FSIP2: variants seen among roughly 807,000 people sequenced by gnomAD.
FSIP2 encodes the protein fibrous sheath-interacting protein 2.
In FSIP2, 367 loss-of-function variants were observed where a neutral mutation model predicts 510.5. The ratio of observed to expected loss-of-function variants is 0.72; its 90% CI spans 0.66 to 0.78. FSIP2 has a LOEUF of 0.78. Among genes scored for constraint, FSIP2 ranks in the 30% least tolerant of loss-of-function variants. FSIP2 has a pLI of 0.00. For missense variants in FSIP2, 7,594 were observed against 7,901.7 expected, an observed-to-expected ratio of 0.96 and a Z score of 1.48; for synonymous variants, 2,601 against 2,732.2, an observed-to-expected ratio of 0.95 and a Z score of 1.50.
rs773013054 is a variant in FSIP2 at position 185,789,294 on chromosome 2, A to T, written c.2158A>T (p.Thr720Ser). Reference protein sequence around the residue: ...SILREIMSDLTQAIPSLSSVT... With the variant: ...SILREIMSDLSQAIPSLSSVT... ...TTTGCGAGAAATAATGTCTGATTTA[A>T]CCCAGGCCATTCCCTCTCTCTCTTC... The change falls in exon 16 of 23, where the codon ACC (threonine) becomes TCC (serine). Residue 720 changes from threonine (T) to serine (S), a missense_variant. Transcript: ENST00000424728. 1.2e-5 allele frequency: 18 copies of T among 1,534,590 alleles called. No homozygotes were observed. In the African/African-American group the frequency reaches 2.1e-4, roughly 18 times the overall value.
intron 12 of FSIP2, among the ~76,000 whole-genome samples, chr2:185,764,019 A>C (rs1405151575): frequency 6.6e-6 from 1 of 151,656 alleles, no homozygotes; most frequent in African/African-American, 2.4e-5. Context: ...AAGAATAAAA[A>C]AAAATTTTTT....
chr2:185,788,533 G>T, intron 15 of FSIP2, 110 bp from the exon 16 acceptor site: 1 of 638,842 alleles, frequency 1.6e-6, no homozygotes, highest in Non-Finnish European at 2.5e-6. Context: ...AAACCATAAT[G>T]GTATTCCACC....
intron 13 of FSIP2, among the ~76,000 whole-genome samples, chr2:185,778,213 G>C (rs983875677): frequency 1.7e-4 from 26 of 151,896 alleles, no homozygotes; most frequent in African/African-American, 6.0e-4. Context: ...AGGTAACTAG[G>C]TTTAATCCAT....
intron 1 of FSIP2, 116 bp downstream of exon 1, chr2:185,739,109 G>T: frequency 7.4e-7 from 1 of 1,345,286 alleles, no homozygotes. Flanking sequence ...CCGTCAGGAG[G>T]CTGCCCTCTT....
In FSIP2 at chr2:185,753,643, T is replaced by TGTCACA. The variant is rs199840137; in HGVS notation, c.871-78_871-73dup. Reference sequence around the variant, plus strand: ...GACTGATTATCCATTTTCAAAATATTGTCACATTTTAAATGATTTGTTTTA... The same window carrying TGTCACA: ...GACTGATTATCCATTTTCAAAATATTGTCACAGTCACATTTTAAATGATTTGTTTTA... On this transcript the variant is annotated intron_variant, in intron 7 of 22. Coordinates refer to ENST00000424728, the MANE Select transcript of FSIP2 (RefSeq NM_173651.4). The TGTCACA allele has an allele frequency of 1.9e-3, 1,297 of 672,142 alleles. 12 individuals are homozygous for TGTCACA. In the African/African-American group the frequency reaches 0.022, roughly 12 times the overall value. The allele number at this position is 672,142 out of a possible 1,614,324, so 41.6% of individuals were successfully genotyped here.
intron 19 of FSIP2, among the ~76,000 whole-genome samples, chr2:185,822,241 AG>A (rs1244795964): frequency 6.6e-6 from 1 of 151,900 alleles, no homozygotes; most frequent in Admixed American, 6.6e-5. Flanking sequence ...GGCAAGAAAA[AG>A]GGGGAAAGGC....
At chr2:185,768,528 A>G (rs2370476) in intron 13 of FSIP2, among the ~76,000 whole-genome samples, 82,755 of 151,720 alleles carry the variant, frequency 0.55, 22,798 homozygotes, top group South Asian at 0.64. Flanking sequence ...ATCTTTCCCT[A>G]TTGTTTCTTT....
At chr2:185,786,002 A>C (rs191645067) in intron 14 of FSIP2, among the ~76,000 whole-genome samples, 1 of 152,078 alleles carries the variant, frequency 6.6e-6, no homozygotes, top group East Asian at 1.9e-4. Flanking sequence ...AAGGATCAGA[A>C]AGATACACTG....
Position 185,797,221 on chromosome 2 carries a change from CA to C in FSIP2, c.10089del (p.Lys3363AsnfsTer51). ...NREIMKPFFI[S>X]KQSSLSEVSG... ...GAAATAATGAAACCATTTTTCATAT[CA>C]AAACAAAGCTCTTTATCTGAAGTAT... On this transcript the variant is annotated frameshift_variant, in exon 16 of 23. Coordinates refer to ENST00000424728, the MANE Select transcript of FSIP2 (RefSeq NM_173651.4). LOFTEE classifies it high-confidence loss of function. 1 of 1,534,810 alleles carries C rather than the reference CA, an allele frequency of 6.5e-7. No homozygotes were observed. Among genetic ancestry groups the C allele is most frequent in the Non-Finnish European group, 8.7e-7 (1 of 1,146,182 alleles).
At position 185,797,115 on chromosome 2, in the gene FSIP2, T is replaced by A; in HGVS notation, c.9979T>A (p.Cys3327Ser). The change falls in exon 16 of 23, where the codon TGT (cysteine) becomes AGT (serine). Residue 3327 changes from cysteine (C) to serine (S), a missense_variant. Transcript: ENST00000424728. ...IQTTISPLKI[C>S]LAAENIVNTV... ...GACAACCATTTCCCCTCTCAAAATA[T>A]GTTTAGCTGCAGAAAATATTGTCAA... is the stretch of plus-strand genomic sequence containing the variant. The A allele has an allele frequency of 6.5e-7, 1 of 1,535,136 alleles. No homozygotes were observed. Among genetic ancestry groups the A allele is most frequent in the Non-Finnish European group, 8.7e-7 (1 of 1,146,282 alleles).
chr2:185,828,588 A>C (rs1280028384), intron 21 of FSIP2, among the ~76,000 whole-genome samples: 1 of 151,818 alleles, frequency 6.6e-6, no homozygotes, highest in East Asian at 1.9e-4. Context: ...GGTGGGGAGA[A>C]AACAGAAGCT....
chr2:185,742,517 A>G (rs183854407), intron 2 of FSIP2, among the ~76,000 whole-genome samples: 45 of 152,346 alleles, frequency 3.0e-4, no homozygotes, highest in African/African-American at 8.7e-4. Flanking sequence ...AATAAGGTGA[A>G]CTGCATAATA....
intron 7 of FSIP2, among the ~76,000 whole-genome samples, chr2:185,748,329 A>T (rs1692077112): frequency 6.7e-6 from 1 of 149,728 alleles, no homozygotes; most frequent in African/African-American, 2.5e-5. Context: ...TTTTGTAGAG[A>T]CAGGTTTTTG....
At position 185,790,355 on chromosome 2, in the gene FSIP2, A is replaced by G. The variant is rs774349519; in HGVS notation, c.3219A>G (p.Pro1073=). Residue 1073 remains proline, a synonymous_variant, in exon 16 of 23, where the codon CCA becomes CCG. Coordinates refer to ENST00000424728, the MANE Select transcript of FSIP2 (RefSeq NM_173651.4). ...FHDWELKTEP[P]STNHEDILKK... is the part of the protein sequence containing the mutation. ...ATTGGGAATTAAAGACTGAGCCACC[A>G]TCTACTAATCATGAAGATATTTTAA... 1.6e-5 allele frequency: 25 copies of G among 1,531,930 alleles called. No individual in the cohort carries two copies. Among genetic ancestry groups the G allele is most frequent in the Non-Finnish European group, 2.2e-5 (25 of 1,145,044 alleles). The allele number at this position is 1,531,930 out of a possible 1,614,324, so 94.9% of individuals were successfully genotyped here. A position where few individuals can be genotyped will look rare whatever the true frequency, so the allele number is the denominator to read the frequency against.
intron 17 of FSIP2, among the ~76,000 whole-genome samples, chr2:185,809,689 C>T (rs1317850331): frequency 6.6e-6 from 1 of 151,992 alleles, no homozygotes; most frequent in Non-Finnish European, 1.5e-5. Flanking sequence ...TTATATTAGC[C>T]TTTCCCATTT....
chr2:185,807,318 T>C lies in FSIP2; in HGVS notation c.18012T>C (p.Tyr6004=), dbSNP rs774475926. 1 of 1,612,490 alleles carries C rather than the reference T, an allele frequency of 6.2e-7. No homozygotes were observed. Among genetic ancestry groups the C allele is most frequent in the South Asian group, 1.1e-5 (1 of 90,872 alleles). ...ASKECQTSSP[Y]TIILPHKFLE... The stretch of plus-strand genomic sequence containing the variant: ...AAGAATGTCAAACTTCATCACCATA[T>C]ACAATAATATTACCTCATAAATTTT... The change falls in exon 17 of 23, where the codon TAT becomes TAC. Residue 6004 remains tyrosine, a synonymous_variant. Coordinates refer to ENST00000424728, the MANE Select transcript of FSIP2 (RefSeq NM_173651.4).
chr2:185,790,449 G>T lies in FSIP2; in HGVS notation c.3313G>T (p.Ala1105Ser), dbSNP rs1216086495. ...AGATCAAAAGCATCAAATAGAAAAG[G>T]CTTCAGAAAACATAGTCACAAGTAT... ...SQDQKHQIEK[A>S]SENIVTSILK... The change falls in exon 16 of 23, where the codon GCT becomes TCT. Residue 1105 changes from alanine (A) to serine (S), a missense_variant. Coordinates refer to ENST00000424728, the MANE Select transcript of FSIP2 (RefSeq NM_173651.4). 6.5e-7 allele frequency: 1 copy of T among 1,533,354 alleles called. No individual in the cohort carries two copies. Among genetic ancestry groups the T allele is most frequent in the Non-Finnish European group, 8.7e-7 (1 of 1,145,436 alleles). 95.0% of individuals were successfully genotyped at this position (1,533,354 alleles called of 1,614,324 possible).
Position 185,802,098 on chromosome 2 carries a change from T to C in FSIP2, c.12792T>C (p.Ser4264=). ...AAAATCATCTTCAACCATTTTTGAG[T>C]GGAGAGGTTTTATGTCATCCAAGGA... is the stretch of plus-strand genomic sequence containing the variant. ...IIENHLQPFL[S]GEVLCHPRTP... The change falls in exon 17 of 23, where the codon AGT becomes AGC. Residue 4264 remains serine (S), a synonymous_variant. Transcript: ENST00000424728. 6.5e-7 allele frequency: 1 copy of C among 1,533,458 alleles called. No individual in the cohort carries two copies. The highest frequency in any genetic ancestry group is 8.7e-7 in the Non-Finnish European group (1 of 1,145,174). 95.0% of individuals were successfully genotyped at this position (1,533,458 alleles called of 1,614,324 possible). A position where few individuals can be genotyped will look rare whatever the true frequency, so the allele number is the denominator to read the frequency against.
At position 185,794,013 on chromosome 2, in the gene FSIP2, A is replaced by T; in HGVS notation, c.6877A>T (p.Lys2293Ter). Residue 2293 changes from lysine (K) to a stop codon, truncating the protein, a stop_gained, in exon 16 of 23, where the codon AAA becomes TAA. Transcript: ENST00000424728. LOFTEE classifies it high-confidence loss of function. ...TGTTATCCCAGAATTGGAAAATTGT[A>T]AACAAAATGACAGCATCTTTTATGA... is the stretch of plus-strand genomic sequence containing the variant. ...SFVIPELENC[K>*]QNDSIFYDSS... is the part of the protein sequence containing the mutation. 1 of 1,533,768 alleles carries T rather than the reference A, an allele frequency of 6.5e-7. No individual in the cohort carries two copies. Among genetic ancestry groups the T allele is most frequent in the Non-Finnish European group, 8.7e-7 (1 of 1,145,356 alleles).
Sources: gnomAD v4.1 joint callset for allele counts (sites outside exome capture counted in the v4.1 genomes callset) on GRCh38, gnomAD v4.1.1 for gene constraint, MANE v1.5 for transcripts, NCBI Gene and HGNC (gene_info 2026-07-23, HGNC 2026-07-21) for gene names.